The following NBEA variants were observed in gnomAD, a reference collection of about 807,000 sequenced individuals.
The protein encoded by NBEA is lysosomal-trafficking regulator 2.
A neutral mutation model predicts 343.4 loss-of-function variants in NBEA; 44 were observed. The observed-to-expected ratio is 0.13, with a 90% CI of 0.10 to 0.16. The LOEUF (loss-of-function observed/expected upper bound fraction) is 0.16. Ranked by LOEUF, NBEA falls within the 10% of genes least tolerant of loss-of-function variation. NBEA has a pLI of 1.00. For missense variants in NBEA, 2,555 were observed against 3,631.3 expected (o/e 0.70, Z 7.62); for synonymous variants, 1,175 against 1,238.7 (o/e 0.95, Z 1.08).
At chr13:35,633,786 T>C (rs2083573826) in intron 49 of NBEA, among the ~76,000 whole-genome samples, 1 of 152,172 alleles carries the variant, frequency 6.6e-6, no homozygotes, top group African/African-American at 2.4e-5. Flanking sequence ...AGAAGAACTT[T>C]TGTTTTAATA....
At chr13:35,517,088 G>A (rs2077513638) in intron 41 of NBEA, among the ~76,000 whole-genome samples, 1 of 152,106 alleles carries the variant, frequency 6.6e-6, no homozygotes, top group African/African-American at 2.4e-5. Flanking sequence ...ATCTCCAAAT[G>A]TCTGTATTCA....
intron 34 of NBEA, among the ~76,000 whole-genome samples, chr13:35,243,126 T>C (rs983666217): frequency 6.6e-6 from 1 of 151,890 alleles, no homozygotes; most frequent in Admixed American, 6.6e-5. Context: ...GTGACATAAG[T>C]AACATAACTT....
chr13:35,324,338 G>A (rs2038391241), intron 36 of NBEA, among the ~76,000 whole-genome samples: 1 of 152,152 alleles, frequency 6.6e-6, no homozygotes, highest in Admixed American at 6.5e-5. Flanking sequence ...TCATATGTTG[G>A]TAAAATAAGA....
intron 41 of NBEA, among the ~76,000 whole-genome samples, chr13:35,522,633 G>A (rs1397888408): frequency 6.6e-6 from 1 of 152,040 alleles, no homozygotes; most frequent in East Asian, 1.9e-4. Context: ...GGCCTTTTAG[G>A]AACCAGGGCA....
intron 33 of NBEA, among the ~76,000 whole-genome samples, chr13:35,223,449 G>A (rs2074485721): frequency 6.6e-6 from 1 of 152,060 alleles, no homozygotes; most frequent in Non-Finnish European, 1.5e-5. Flanking sequence ...GCTTTGAAAG[G>A]GATTTCATCT....
At chr13:35,040,222 T>C (rs1288168278) in intron 1 of NBEA, among the ~76,000 whole-genome samples, 9 of 152,126 alleles carry the variant, frequency 5.9e-5, no homozygotes, top group African/African-American at 1.9e-4. Flanking sequence ...AAGAGTGTTA[T>C]TATGTTATTT....
intron 1 of NBEA, among the ~76,000 whole-genome samples, chr13:35,037,302 G>A (rs1593541439): frequency 6.6e-6 from 1 of 152,204 alleles, no homozygotes; most frequent in South Asian, 2.1e-4. Context: ...TGCCTTCTCT[G>A]TGTTATCTTG....
intron 48 of NBEA, among the ~76,000 whole-genome samples, chr13:35,615,129 C>CA (rs34475826): frequency 0.019 from 2,098 of 110,878 alleles, 29 homozygotes; most frequent in African/African-American, 0.042. Flanking sequence ...ACTAAAAATA[C>CA]AAAAAAAAAA....
chr13:35,113,188 T>A (rs138870582), intron 13 of NBEA, among the ~76,000 whole-genome samples: 88 of 152,250 alleles, frequency 5.8e-4, no homozygotes, highest in Non-Finnish European at 1.0e-3. Flanking sequence ...GAATTTTCTG[T>A]TTGTTCATGA....
intron 35 of NBEA, 24 bp downstream of exon 35, chr13:35,290,474 T>A (rs2035730452): frequency 6.4e-7 from 1 of 1,551,702 alleles, no homozygotes; most frequent in Non-Finnish European, 8.9e-7. Context: ...TTCACTCAGT[T>A]ACATTAATAT....
intron 17 of NBEA, among the ~76,000 whole-genome samples, chr13:35,129,964 A>G (rs181193933): frequency 6.6e-6 from 1 of 152,162 alleles, no homozygotes; most frequent in Non-Finnish European, 1.5e-5. Flanking sequence ...TGACCCAAAT[A>G]CTTAGTGATT....
chr13:35,261,272 G>T (rs1388677567), intron 34 of NBEA, among the ~76,000 whole-genome samples: 1 of 152,136 alleles, frequency 6.6e-6, no homozygotes, highest in African/African-American at 2.4e-5. Flanking sequence ...CAGCACTTTG[G>T]CAGGCTGAGG....
chr13:35,563,461 C>CA (rs1410940453), intron 44 of NBEA, among the ~76,000 whole-genome samples: 1 of 151,674 alleles, frequency 6.6e-6, no homozygotes, highest in Non-Finnish European at 1.5e-5. Context: ...CATATCAATG[C>CA]AAAACCCCAA....
chr13:35,431,482 T>G (rs1409409269), intron 38 of NBEA, among the ~76,000 whole-genome samples: 1 of 152,218 alleles, frequency 6.6e-6, no homozygotes, highest in Non-Finnish European at 1.5e-5. Flanking sequence ...TAATGGGCTA[T>G]TTCCATCATT....
intron 1 of NBEA, among the ~76,000 whole-genome samples, chr13:34,998,209 G>A (rs2061002742): frequency 6.6e-6 from 1 of 152,124 alleles, no homozygotes; most frequent in African/African-American, 2.4e-5. Flanking sequence ...CAAAAGGGGA[G>A]GGAGTGTACA....
chr13:35,365,218 A>G (rs756488046), intron 38 of NBEA, among the ~76,000 whole-genome samples: 1 of 151,812 alleles, frequency 6.6e-6, no homozygotes, highest in Non-Finnish European at 1.5e-5. Context: ...TGCCTAATAC[A>G]TAGATTAGAA....
intron 18 of NBEA, among the ~76,000 whole-genome samples, chr13:35,155,314 T>C (rs1314955515): frequency 2.0e-5 from 3 of 151,938 alleles, no homozygotes; most frequent in Non-Finnish European, 2.9e-5. Context: ...TTTAGAAGTA[T>C]GTGGAATTCA....
At chr13:35,225,881 C>A (rs2074625870) in intron 33 of NBEA, among the ~76,000 whole-genome samples, 1 of 151,962 alleles carries the variant, frequency 6.6e-6, no homozygotes, top group Non-Finnish European at 1.5e-5. Flanking sequence ...GATTATCTGG[C>A]TTTTTCTTGT....
At chr13:35,179,407 G>C (rs1290679180) in intron 28 of NBEA, among the ~76,000 whole-genome samples, 1 of 151,362 alleles carries the variant, frequency 6.6e-6, no homozygotes, top group African/African-American at 2.4e-5. Context: ...AAATACCTGA[G>C]CAAGTCAATT....
Sources: allele counts gnomAD v4.1 joint callset (sites outside exome capture counted in the v4.1 genomes callset), GRCh38; gene constraint gnomAD v4.1.1; transcripts MANE v1.5; gene names NCBI Gene and HGNC (gene_info 2026-07-23, HGNC 2026-07-21).